RBM33: variants seen among roughly 807,000 people sequenced by gnomAD.
RBM33 encodes the protein RNA binding motif protein 33.
A neutral mutation model predicts 132.6 loss-of-function variants in RBM33; 28 were observed. That is an observed-to-expected ratio of 0.21 (90% CI 0.16 to 0.29). The LOEUF (loss-of-function observed/expected upper bound fraction) is 0.29, where lower values mean the gene tolerates loss of function less well. RBM33 is among the 10% of genes least tolerant of loss of function. The pLI is 1.00. For synonymous variants in RBM33, 634 were observed against 593.0 expected (o/e 1.07, Z -1.01); for missense variants, 1,291 against 1,518.5 (o/e 0.85, Z 2.49).
At chr7:155,669,415 C>T (rs921537827) in intron 2 of RBM33, among the ~76,000 whole-genome samples, 4 of 152,204 alleles carry the variant, frequency 2.6e-5, no homozygotes, top group South Asian at 2.1e-4. Flanking sequence ...TGCAGTGGTG[C>T]GATATCAGCT....
At chr7:155,696,650 G>T (rs1799802121) in intron 5 of RBM33, among the ~76,000 whole-genome samples, 2 of 152,092 alleles carry the variant, frequency 1.3e-5, no homozygotes, top group Non-Finnish European at 2.9e-5. Flanking sequence ...CATCTATTGA[G>T]ATAATTATAT....
intron 5 of RBM33, among the ~76,000 whole-genome samples, chr7:155,697,116 A>C (rs1330702300): frequency 6.6e-6 from 1 of 152,130 alleles, no homozygotes; most frequent in Admixed American, 6.5e-5. Flanking sequence ...GAAACAAGTC[A>C]CTAAGTGTAG....
At chr7:155,698,922 T>C (rs1382708401) in intron 5 of RBM33, among the ~76,000 whole-genome samples, 3 of 152,254 alleles carry the variant, frequency 2.0e-5, no homozygotes. Context: ...GACATTTAAG[T>C]GTTTCCAGTT....
chr7:155,700,236 A>G (rs1390123064), intron 5 of RBM33, among the ~76,000 whole-genome samples: 1 of 152,174 alleles, frequency 6.6e-6, no homozygotes, highest in Non-Finnish European at 1.5e-5. Context: ...GTGAGATTGA[A>G]GTAAAAAGGA....
chr7:155,763,886 A>C lies in RBM33; in HGVS notation c.3054A>C (p.Pro1018=). The change falls in exon 15 of 18, where the codon CCA becomes CCC. Residue 1018 remains proline, a synonymous_variant. Coordinates refer to ENST00000401878, the MANE Select transcript of RBM33 (RefSeq NM_053043.3). ...TTCCCCAGCCTCCGGAAGTGGGACC[A>C]CAGCCTGCCCGCAAGGTGACGCTGA... ...QRLPQPPEVG[P]QPARKVTLTR... 1.2e-6 allele frequency: 2 copies of C among 1,611,368 alleles called. No homozygotes were observed. Among genetic ancestry groups the C allele is most frequent in the South Asian group, 2.2e-5 (2 of 90,512 alleles).
chr7:155,710,138 T>C (rs6459899), intron 7 of RBM33, among the ~76,000 whole-genome samples: 114,539 of 152,154 alleles, frequency 0.75, 43,400 homozygotes, highest in South Asian at 0.8. Context: ...ACTTGGAATT[T>C]AGAAGCCCTC....
intron 5 of RBM33, among the ~76,000 whole-genome samples, chr7:155,695,363 G>A (rs1456417007): frequency 6.6e-6 from 1 of 152,188 alleles, no homozygotes; most frequent in Non-Finnish European, 1.5e-5. Context: ...GGTAGAGATA[G>A]TTGTCTGTAT....
intron 3 of RBM33, among the ~76,000 whole-genome samples, chr7:155,673,149 C>T (rs1798990721): frequency 6.6e-6 from 1 of 152,018 alleles, no homozygotes; most frequent in Non-Finnish European, 1.5e-5. Flanking sequence ...TTGTCCAAGG[C>T]ACTCTGGCAG....
intron 14 of RBM33, among the ~76,000 whole-genome samples, chr7:155,751,236 C>T (rs1309997235): frequency 6.6e-6 from 1 of 152,168 alleles, no homozygotes; most frequent in Non-Finnish European, 1.5e-5. Flanking sequence ...GTCAAGTTTG[C>T]TTTATCCTGG....
chr7:155,708,343 C>T (rs190732767), intron 7 of RBM33, among the ~76,000 whole-genome samples: 91 of 152,226 alleles, frequency 6.0e-4, no homozygotes, highest in Middle Eastern at 3.4e-3. Flanking sequence ...TTTTTCCCTT[C>T]GTTGCTCCCT....
intron 15 of RBM33, among the ~76,000 whole-genome samples, chr7:155,765,318 C>A (rs2117071093): frequency 6.6e-6 from 1 of 152,322 alleles, no homozygotes; most frequent in Admixed American, 6.5e-5. Flanking sequence ...CTACTGATTT[C>A]CAGCCAGGGT....
rs1418714597 is a variant in RBM33 at position 155,663,765 on chromosome 7, CT to C, written c.44-1409del. On this transcript the variant is annotated intron_variant, in intron 1 of 17. Transcript: ENST00000401878. ...TTATAGGTGTTTATATCATCTGGCC[CT>C]ACCTACCCCAACCACCTGCCCCTAG... Among the ~76,000 whole-genome samples, 5 of 152,238 alleles carry C rather than the reference CT, an allele frequency of 3.3e-5. No homozygotes were observed. The East Asian group carries it at 7.7e-4, about 24-fold the overall frequency.
intron 14 of RBM33, among the ~76,000 whole-genome samples, chr7:155,756,728 G>A (rs1052867942): frequency 1.3e-5 from 2 of 152,288 alleles, no homozygotes; most frequent in Non-Finnish European, 2.9e-5. Context: ...GAGTTGGAGT[G>A]AATGGTAAAA....
Position 155,740,017 on chromosome 7 carries a change from G to C in RBM33, c.2040G>C (p.Gly680=). ...SSRMQCPQRQ[G]LRHNTTSQNV... ...GGATGCAGTGCCCCCAGCGCCAGGG[G>C]CTCCGGCATGTAAGTGTCAAGGGGT... Residue 680 remains glycine (G), a synonymous_variant, in exon 12 of 18, where the codon GGG becomes GGC. Coordinates refer to ENST00000401878, the MANE Select transcript of RBM33 (RefSeq NM_053043.3). 6.5e-7 allele frequency: 1 copy of C among 1,545,470 alleles called. No homozygotes were observed. Among genetic ancestry groups the C allele is most frequent in the African/African-American group, 1.4e-5 (1 of 73,832 alleles).
chr7:155,711,596 G>A, intron 8 of RBM33, 141 bp downstream of exon 8: 1 of 539,214 alleles, frequency 1.9e-6, no homozygotes, highest in Non-Finnish European at 3.0e-6. Context: ...TCGTTCGAAT[G>A]TTGAGATTTG....
In RBM33 at chr7:155,738,310, G is replaced by A. The variant is rs748327182; in HGVS notation, c.1644G>A (p.Ser548=). 41 of 1,613,920 alleles carry A rather than the reference G, an allele frequency of 2.5e-5. No homozygotes were observed. The East Asian group carries it at 2.7e-4, about 11-fold the overall frequency. The change falls in exon 11 of 18, where the codon TCG becomes TCA. Residue 548 remains serine (S), a synonymous_variant. Transcript: ENST00000401878. The part of the protein sequence containing the change: ...VGILHFSQPG[S]ATTRPFIPPR... The stretch of plus-strand genomic sequence containing the variant: ...TTCTGCACTTTAGCCAGCCTGGGTC[G>A]GCAACCACACGGCCCTTCATTCCTC...
rs201773820 is a variant in RBM33 at position 155,673,593 on chromosome 7, T to C, written c.171+678T>C. ...ATACATACACACGTGTATATATATA[T>C]ACACACATATACATACACACGTGTA... On this transcript the variant is annotated intron_variant, in intron 3 of 17. Transcript: ENST00000401878. Among the ~76,000 whole-genome samples the C allele has an allele frequency of 5.2e-3, 390 of 74,976 alleles. 23 individuals are homozygous for C. Among genetic ancestry groups the C allele is most frequent in the African/African-American group, 8.1e-3 (114 of 14,088 alleles). 49.2% of individuals were successfully genotyped at this position (74,976 alleles called of 152,430 possible).
chr7:155,670,472 G>C (rs1240207720), intron 2 of RBM33, among the ~76,000 whole-genome samples: 1 of 152,192 alleles, frequency 6.6e-6, no homozygotes, highest in Admixed American at 6.5e-5. Flanking sequence ...TGAGGGTCCA[G>C]CTTTACGATG....
intron 16 of RBM33, among the ~76,000 whole-genome samples, chr7:155,773,567 CCAA>C (rs1802503731): frequency 1.8e-5 from 1 of 56,914 alleles, no homozygotes; most frequent in South Asian, 6.4e-4. Flanking sequence ...GACTCCATCT[CCAA>C]AAAAAAAAAA....
Sources: allele counts gnomAD v4.1 joint callset (sites outside exome capture counted in the v4.1 genomes callset), GRCh38; gene constraint gnomAD v4.1.1; transcripts MANE v1.5; gene names NCBI Gene and HGNC (gene_info 2026-07-23, HGNC 2026-07-21).